Variants in GABBR2 observed in about 807,000 individuals in gnomAD.
The protein encoded by GABBR2 is gamma-aminobutyric acid type B receptor subunit 2.
A neutral mutation model predicts 105.6 loss-of-function variants in GABBR2; 23 were observed. The observed-to-expected ratio is 0.22, with a 90% CI of 0.16 to 0.31. The LOEUF (loss-of-function observed/expected upper bound fraction) is 0.31. Among genes scored for constraint, GABBR2 ranks in the 10% least tolerant of loss-of-function variants. The pLI is 1.00. For missense variants in GABBR2, 734 were observed against 1,245.5 expected (o/e 0.59, Z 6.18); for synonymous variants, 478 against 499.7 (o/e 0.96, Z 0.58).
chr9:98,436,066 C>T (rs1449753269), intron 7 of GABBR2, among the ~76,000 whole-genome samples: 1 of 151,196 alleles, frequency 6.6e-6, no homozygotes, highest in Non-Finnish European at 1.5e-5. Context: ...CTATCCTCCT[C>T]ATACTATAGG....
intron 13 of GABBR2, among the ~76,000 whole-genome samples, chr9:98,340,741 G>A (rs1831198162): frequency 6.6e-6 from 1 of 152,238 alleles, no homozygotes; most frequent in African/African-American, 2.4e-5. Flanking sequence ...CATTTACCAA[G>A]AGGTAGGTTG....
At chr9:98,357,845 A>G (rs1174860247) in intron 13 of GABBR2, among the ~76,000 whole-genome samples, 2 of 152,014 alleles carry the variant, frequency 1.3e-5, no homozygotes, top group African/African-American at 4.8e-5. Flanking sequence ...ATTCTGTGTT[A>G]AAAATTGCCT....
At chr9:98,596,415 C>T (rs775871092) in intron 1 of GABBR2, among the ~76,000 whole-genome samples, 2 of 152,124 alleles carry the variant, frequency 1.3e-5, no homozygotes, top group Non-Finnish European at 2.9e-5. Context: ...CACAGCACAG[C>T]CTTGGGGGTG....
intron 7 of GABBR2, among the ~76,000 whole-genome samples, chr9:98,420,456 CAA>C (rs2131553579): frequency 6.9e-6 from 1 of 145,386 alleles, no homozygotes; most frequent in East Asian, 2.1e-4. Flanking sequence ...TGGGTTCATG[CAA>C]AGAGTGTGTG....
rs183717513 is a variant in GABBR2, at chr9:98,609,498, T to C, written c.322-31426A>G. Among the ~76,000 whole-genome samples, 671 of 152,238 alleles carry C rather than the reference T, an allele frequency of 4.4e-3. 5 individuals are homozygous for C. Among genetic ancestry groups the C allele is most frequent in the Non-Finnish European group, 7.2e-3 (493 of 68,012 alleles). The stretch of plus-strand genomic sequence containing the variant: ...GTGGGAATGGTCTCCTGACATTTCA[T>C]TGGGTGATTTTTCCACATAACAGAG... On this transcript the variant is annotated intron_variant, in intron 1 of 18. Transcript: ENST00000259455.
chr9:98,672,795 G>A (rs747864626), intron 1 of GABBR2, among the ~76,000 whole-genome samples: 26 of 152,092 alleles, frequency 1.7e-4, no homozygotes, highest in Non-Finnish European at 2.8e-4. Context: ...TAATAATTTC[G>A]GGCACTTGAT....
intron 1 of GABBR2, among the ~76,000 whole-genome samples, chr9:98,663,634 G>A (rs575080581): frequency 2.1e-5 from 3 of 144,530 alleles, no homozygotes; most frequent in Admixed American, 7.1e-5. Context: ...GAATGATCAG[G>A]AGGCTGAAAG....
chr9:98,639,494 A>C (rs1829929008), intron 1 of GABBR2, among the ~76,000 whole-genome samples: 1 of 152,080 alleles, frequency 6.6e-6, no homozygotes, highest in East Asian at 1.9e-4. Context: ...GAAAAACAGC[A>C]CACCTTGCAG....
intron 8 of GABBR2, among the ~76,000 whole-genome samples, chr9:98,405,301 T>G (rs368229911): frequency 9.7e-4 from 148 of 152,274 alleles, no homozygotes; most frequent in African/African-American, 3.4e-3. Flanking sequence ...ATGTCTGTGG[T>G]CCCAGCTACT....
intron 7 of GABBR2, among the ~76,000 whole-genome samples, chr9:98,433,945 C>G (rs562942226): frequency 6.6e-6 from 1 of 151,926 alleles, no homozygotes; most frequent in East Asian, 1.9e-4. Context: ...TTGAAGGATA[C>G]AATCCTTCAA....
chr9:98,577,751 G>A (rs1206710440), intron 2 of GABBR2, among the ~76,000 whole-genome samples, 184 bp downstream of exon 2: 1 of 152,330 alleles, frequency 6.6e-6, no homozygotes, highest in East Asian at 1.9e-4. Context: ...GCCCTTTAGA[G>A]ACCTACTGTG....
At chr9:98,399,573 C>T (rs1405552776) in intron 8 of GABBR2, among the ~76,000 whole-genome samples, 1 of 152,102 alleles carries the variant, frequency 6.6e-6, no homozygotes, top group African/African-American at 2.4e-5. Context: ...CCTACTCAGC[C>T]CCACCAACCC....
intron 1 of GABBR2, among the ~76,000 whole-genome samples, chr9:98,631,762 C>T (rs1056028712): frequency 4.6e-5 from 7 of 152,204 alleles, no homozygotes; most frequent in South Asian, 2.1e-4. Context: ...AAACACTTCA[C>T]TATGACATTT....
intron 7 of GABBR2, among the ~76,000 whole-genome samples, chr9:98,419,769 G>A (rs1204670105): frequency 1.3e-5 from 2 of 152,134 alleles, no homozygotes; most frequent in Non-Finnish European, 2.9e-5. Flanking sequence ...TGTTTTGTAT[G>A]GGTGTAGAAA....
chr9:98,424,785 G>A (rs1050860784), intron 7 of GABBR2, among the ~76,000 whole-genome samples: 2 of 152,090 alleles, frequency 1.3e-5, no homozygotes, highest in African/African-American at 4.8e-5. Flanking sequence ...GGGACGTGAA[G>A]GACCTCTTCA....
At chr9:98,625,949 C>T (rs1315086565) in intron 1 of GABBR2, among the ~76,000 whole-genome samples, 1 of 151,404 alleles carries the variant, frequency 6.6e-6, no homozygotes, top group Non-Finnish European at 1.5e-5. Flanking sequence ...CAAAGCCTGA[C>T]GTACCTTAAA....
chr9:98,557,464 T>C (rs1026317883), intron 2 of GABBR2, among the ~76,000 whole-genome samples: 1 of 152,164 alleles, frequency 6.6e-6, no homozygotes, highest in Non-Finnish European at 1.5e-5. Context: ...GTGTAACTGT[T>C]TCAGGGAGGC....
chr9:98,570,812 G>A (rs1229156232), intron 2 of GABBR2, among the ~76,000 whole-genome samples: 1 of 152,260 alleles, frequency 6.6e-6, no homozygotes, highest in African/African-American at 2.4e-5. Context: ...CCAAGGCTGT[G>A]TTAGGGCTCC....
chr9:98,365,699 C>T (rs768653898), intron 12 of GABBR2, among the ~76,000 whole-genome samples: 2 of 152,162 alleles, frequency 1.3e-5, no homozygotes, highest in Admixed American at 6.5e-5. Context: ...CCCTAAGAAA[C>T]ATGCATGTTT....
Sources: allele counts gnomAD v4.1 joint callset (sites outside exome capture counted in the v4.1 genomes callset), GRCh38; gene constraint gnomAD v4.1.1; transcripts MANE v1.5; gene names NCBI Gene and HGNC (gene_info 2026-07-23, HGNC 2026-07-21).